Variants in DSCAM observed in about 807,000 individuals in gnomAD.
The protein encoded by DSCAM is DS cell adhesion molecule, also known as cell adhesion molecule DSCAM.
DSCAM carries 47 observed loss-of-function variants against 217.7 expected under a neutral mutation model. That is an observed-to-expected ratio of 0.22 (90% CI 0.17 to 0.28). The LOEUF is 0.28. Ranked by LOEUF, DSCAM falls within the 10% of genes least tolerant of loss-of-function variation. DSCAM has a pLI of 1.00. For synonymous variants in DSCAM, 1,056 were observed against 1,015.3 expected (o/e 1.04, Z -0.76); for missense variants, 2,080 against 2,618.3 (o/e 0.79, Z 4.49).
chr21:40,760,449 A>C (rs1054248996), intron 1 of DSCAM, among the ~76,000 whole-genome samples: 3 of 152,190 alleles, frequency 2.0e-5, no homozygotes, highest in African/African-American at 7.2e-5. Context: ...CACAGGTCAT[A>C]CTGAGTGGAA....
At position 40,625,798 on chromosome 21, in the gene DSCAM, C is replaced by T. The variant is rs149961139; in HGVS notation, c.508+67012G>A. On this transcript the variant is annotated intron_variant, in intron 3 of 32. Transcript: ENST00000400454. ...ACATAAACAAATAACAACAACAAAA[C>T]AAAATTCCCTTTAGCTGGCATTCTC... 1.0e-3 allele frequency among the ~76,000 whole-genome samples: 154 copies of T among 152,204 alleles called. 3 individuals are homozygous for T. The highest frequency in any genetic ancestry group is 5.2e-3 in the South Asian group (25 of 4,814).
At chr21:40,462,190 T>C (rs543747893) in intron 3 of DSCAM, among the ~76,000 whole-genome samples, 3 of 152,288 alleles carry the variant, frequency 2.0e-5, no homozygotes, top group East Asian at 1.9e-4. Flanking sequence ...GCAGGGAATA[T>C]AGGAGATCCC....
At chr21:40,109,227 A>G (rs1156295693) in intron 20 of DSCAM, among the ~76,000 whole-genome samples, 1 of 152,238 alleles carries the variant, frequency 6.6e-6, no homozygotes, top group Non-Finnish European at 1.5e-5. Flanking sequence ...AGAATGGGAG[A>G]AAATTTTTGC....
intron 3 of DSCAM, among the ~76,000 whole-genome samples, chr21:40,521,180 G>A (rs1489831177): frequency 2.6e-5 from 4 of 152,152 alleles, no homozygotes. Flanking sequence ...CTGGGAGTGA[G>A]AGGGTGGGTG....
intron 3 of DSCAM, among the ~76,000 whole-genome samples, chr21:40,539,435 G>A (rs557077698): frequency 6.6e-6 from 1 of 152,010 alleles, no homozygotes; most frequent in South Asian, 2.1e-4. Flanking sequence ...GGCAGAGCTT[G>A]CAGTGACCCC....
In DSCAM at chr21:40,369,015, C is replaced by T. The variant is rs1338812932; in HGVS notation, c.655+84G>A. ...ATTGAAGGCTCCATTTTAGTGGCAA[C>T]ACTCCACAATTTTGATTGAGTCGTC... On this transcript the variant is annotated intron_variant, in intron 4 of 32. Transcript: ENST00000400454. 2.2e-6 allele frequency: 3 copies of T among 1,390,346 alleles called. No individual in the cohort carries two copies. The East Asian group carries it at 7.7e-5, about 36-fold the overall frequency. 86.1% of individuals were successfully genotyped at this position (1,390,346 alleles called of 1,614,324 possible).
chr21:40,089,534 A>T (rs1351686082), intron 21 of DSCAM, among the ~76,000 whole-genome samples: 1 of 151,808 alleles, frequency 6.6e-6, no homozygotes, highest in African/African-American at 2.4e-5. Flanking sequence ...CCATTCTGCC[A>T]CTCCCTCCAT....
At chr21:40,774,842 C>T (rs1428599780) in intron 1 of DSCAM, among the ~76,000 whole-genome samples, 2 of 151,396 alleles carry the variant, frequency 1.3e-5, no homozygotes, top group East Asian at 2.0e-4. Context: ...TCCTGAATAT[C>T]CTCAAAAAAT....
rs552501850 is a variant in DSCAM, at chr21:40,639,746, C to A, written c.508+53064G>T. The stretch of plus-strand genomic sequence containing the variant: ...TAGGCTGTGGTTCCAAATTCTAAAC[C>A]CTTAAAGTTACAGCCCCAGGAGAAA... On this transcript the variant is annotated intron_variant, in intron 3 of 32. Transcript: ENST00000400454. Among the ~76,000 whole-genome samples, 242 of 151,886 alleles carry A rather than the reference C, an allele frequency of 1.6e-3. 1 individual carries two copies. The highest frequency in any genetic ancestry group is 6.8e-3 in the Middle Eastern group (2 of 292).
chr21:40,639,512 G>A (rs2089850976), intron 3 of DSCAM, among the ~76,000 whole-genome samples: 1 of 152,190 alleles, frequency 6.6e-6, no homozygotes, highest in African/African-American at 2.4e-5. Context: ...CTAGAAATTT[G>A]AACGATTTTG....
chr21:40,288,207 A>G (rs1008405179), intron 10 of DSCAM, among the ~76,000 whole-genome samples: 3 of 152,210 alleles, frequency 2.0e-5, no homozygotes, highest in African/African-American at 4.8e-5. Context: ...CAGATGCCGT[A>G]GCTTATAAAA....
rs886492316 is a variant in DSCAM at position 40,274,815 on chromosome 21, C to T, written c.2356+1282G>A. 2.6e-5 allele frequency among the ~76,000 whole-genome samples: 4 copies of T among 152,226 alleles called. No homozygotes were observed. The South Asian group carries it at 6.2e-4, about 24-fold the overall frequency. ...AATATAAAACTTTAATAAATAAACA[C>T]TTGGATTTTTTTTGTTCTGTTGGAA... On this transcript the variant is annotated intron_variant, in intron 11 of 32. Coordinates refer to ENST00000400454, the MANE Select transcript of DSCAM (RefSeq NM_001389.5).
Position 40,402,138 on chromosome 21 carries a change from C to T in DSCAM, c.509-32893G>A, listed in dbSNP as rs371774271. On this transcript the variant is annotated intron_variant, in intron 3 of 32. Transcript: ENST00000400454. ...ACAGTGGTGCCACCTCGGCTCACTG[C>T]AAGCTCCGCCTCCTGGGTTCACGTC... Among the ~76,000 whole-genome samples the T allele has an allele frequency of 7.7e-5, 10 of 129,132 alleles. No homozygotes were observed. In the East Asian group the frequency reaches 2.1e-3, roughly 27 times the overall value. The allele number at this position is 129,132 out of a possible 152,430, so 84.7% of individuals were successfully genotyped here. A position where few individuals can be genotyped will look rare whatever the true frequency, so the allele number is the denominator to read the frequency against.
rs767793306 is a variant in DSCAM, at chr21:40,062,874, G to A, written c.4914C>T (p.Leu1638=). The A allele has an allele frequency of 6.9e-6, 11 of 1,596,342 alleles. No homozygotes were observed. The highest frequency in any genetic ancestry group is 1.1e-5 in the South Asian group (1 of 87,262). The change falls in exon 28 of 33, where the codon CTC becomes CTT. Residue 1638 remains leucine (L), a synonymous_variant. Transcript: ENST00000400454. The stretch of plus-strand genomic sequence containing the variant: ...GTGCTAGGTCTTGTTCTTACCTCAT[G>A]AGCATTTCAGCTAAACTCTTTGCAT... ...LRDAKSLAEM[L]MSKNTRTSDT... is the part of the protein sequence containing the mutation.
chr21:40,160,364 G>A (rs1035347184), intron 16 of DSCAM, among the ~76,000 whole-genome samples: 3 of 152,114 alleles, frequency 2.0e-5, no homozygotes, highest in Admixed American at 6.5e-5. Context: ...TAATTTACTT[G>A]TTGGAAATGG....
At position 40,189,067 on chromosome 21, in the gene DSCAM, C is replaced by A; in HGVS notation, c.2528G>T (p.Gly843Val). The A allele has an allele frequency of 1.2e-6, 2 of 1,614,160 alleles. No homozygotes were observed. Among genetic ancestry groups the A allele is most frequent in the Non-Finnish European group, 8.5e-7 (1 of 1,180,026 alleles). The change falls in exon 12 of 33, where the codon GGA (glycine) becomes GTA (valine). Residue 843 changes from glycine to valine, a missense_variant. Transcript: ENST00000400454. The stretch of plus-strand genomic sequence containing the variant: ...CTGCAGAGTAGAAATCACCTCTTCT[C>A]CCACCTCCTTGGTGGACACAAGATA... ...ARYLVSTKEV[G>V]EEVISTLQIL... is the part of the protein sequence containing the mutation.
At chr21:40,728,793 T>C (rs2090984042) in intron 1 of DSCAM, among the ~76,000 whole-genome samples, 3 of 152,188 alleles carry the variant, frequency 2.0e-5, no homozygotes, top group South Asian at 2.1e-4. Flanking sequence ...TTTTCACCCA[T>C]CATTGTCACA....
chr21:40,212,012 C>T (rs956290052), intron 11 of DSCAM, among the ~76,000 whole-genome samples: 1 of 151,800 alleles, frequency 6.6e-6, no homozygotes, highest in Admixed American at 6.6e-5. Flanking sequence ...CTCTGTTGCC[C>T]AGGCTGGAGT....
At chr21:40,305,983 T>G (rs940622960) in intron 9 of DSCAM, among the ~76,000 whole-genome samples, 13 of 152,186 alleles carry the variant, frequency 8.5e-5, no homozygotes, top group East Asian at 1.9e-4. Flanking sequence ...GTGAAGAAAG[T>G]CATTGGTAGC....
Sources: allele counts gnomAD v4.1 joint callset (sites outside exome capture counted in the v4.1 genomes callset), GRCh38; gene constraint gnomAD v4.1.1; transcripts MANE v1.5; gene names NCBI Gene and HGNC (gene_info 2026-07-23, HGNC 2026-07-21).